NRAP: variants seen among roughly 807,000 people sequenced by gnomAD.
NRAP encodes nebulin-related-anchoring protein.
Under a neutral mutation model 225.9 loss-of-function variants are expected in NRAP, and 189 were observed. The ratio of observed to expected loss-of-function variants is 0.84; its 90% CI spans 0.74 to 0.94. NRAP has a LOEUF of 0.94. Among genes scored for constraint, NRAP ranks in the 40% least tolerant of loss-of-function variants. NRAP has a pLI of 0.00. For synonymous variants in NRAP, 769 were observed against 790.7 expected (o/e 0.97, Z 0.46); for missense variants, 2,176 against 2,168.7 (o/e 1.00, Z -0.07).
intron 35 of NRAP, among the ~76,000 whole-genome samples, chr10:113,601,232 G>A (rs898296604): frequency 3.9e-5 from 6 of 152,230 alleles, no homozygotes; most frequent in African/African-American, 1.4e-4. Flanking sequence ...CCATAGCCAC[G>A]AGAACCTCAG....
At position 113,615,762 on chromosome 10, in the gene NRAP, C is replaced by T. The variant is rs777746643; in HGVS notation, c.3028G>A (p.Asp1010Asn). ...NIKHHYTPTADLPEVLLAKLN... is the reference protein window; with the variant it reads ...NIKHHYTPTANLPEVLLAKLN... ...TTGGCCAGCAGGACTTCAGGGAGGT[C>T]AGCAGTCGGTGTGTAATGATGCTTT... The change falls in exon 27 of 42, where the codon GAC becomes AAC. Residue 1010 changes from aspartate (D) to asparagine (N), a missense_variant. Physicochemically the swap from Asp to Asn is conservative, Grantham distance 23. Transcript: ENST00000359988. 1 of 1,612,370 alleles carries T rather than the reference C, an allele frequency of 6.2e-7. No individual in the cohort carries two copies. Among genetic ancestry groups the T allele is most frequent in the South Asian group, 1.1e-5 (1 of 91,042 alleles).
In NRAP at chr10:113,589,102, A is replaced by AAGTT. The variant is rs565124763; in HGVS notation, c.5089-27_5089-24dup. ...CCGCTGCTGAAATCAAACATACCCC[A>AAGTT]AGTTAAAATGAAGCTCCCCCACCCC... On this transcript the variant is annotated intron_variant, in intron 41 of 41. Coordinates refer to ENST00000359988, the MANE Select transcript of NRAP (RefSeq NM_198060.4). The AAGTT allele has an allele frequency of 3.8e-5, 61 of 1,601,378 alleles. No individual in the cohort carries two copies. In the East Asian group the frequency reaches 1.1e-3, roughly 29 times the overall value.
Position 113,645,820 on chromosome 10 carries a change from C to T in NRAP, c.1110+5G>A, listed in dbSNP as rs753148762. 76 of 1,438,290 alleles carry T rather than the reference C, an allele frequency of 5.3e-5. No homozygotes were observed. Among genetic ancestry groups the T allele is most frequent in the African/African-American group, 6.9e-5 (5 of 72,280 alleles). The allele number at this position is 1,438,290 out of a possible 1,614,324, so 89.1% of individuals were successfully genotyped here. A position where few individuals can be genotyped will look rare whatever the true frequency, so the allele number is the denominator to read the frequency against. ...TCATGGGTGTGACTCTTCCCCCATACGCACCTCACTCACGAGTTTGTTTAC... is the reference window on the plus strand; with the variant it reads ...TCATGGGTGTGACTCTTCCCCCATATGCACCTCACTCACGAGTTTGTTTAC... On this transcript the variant is annotated splice_donor_5th_base_variant and intron_variant, in intron 11 of 41. Transcript: ENST00000359988.
chr10:113,615,861 A>C (rs776304601), intron 26 of NRAP, 45 bp from the exon 27 acceptor site: 5 of 1,071,770 alleles, frequency 4.7e-6, no homozygotes, highest in Non-Finnish European at 7.2e-6. Context: ...ACCCCATTCC[A>C]TGCAGCCATC....
chr10:113,636,843 C>T (rs1848896895), intron 14 of NRAP, among the ~76,000 whole-genome samples: 1 of 151,996 alleles, frequency 6.6e-6, no homozygotes, highest in Non-Finnish European at 1.5e-5. Context: ...CTTGTCTCTA[C>T]TAAAAATACA....
At chr10:113,646,896 C>CA in intron 10 of NRAP, 27 bp downstream of exon 10, 2 of 1,475,928 alleles carry the variant, frequency 1.4e-6, no homozygotes, top group Non-Finnish European at 1.9e-6. Context: ...GCCTCTGGCT[C>CA]TGTGGTCACA....
Position 113,663,397 on chromosome 10 carries a change from G to T in NRAP, c.122C>A (p.Ser41Tyr). 1 of 1,613,428 alleles carries T rather than the reference G, an allele frequency of 6.2e-7. No homozygotes were observed. Among genetic ancestry groups the T allele is most frequent in the Non-Finnish European group, 8.5e-7 (1 of 1,179,354 alleles). Residue 41 changes from serine (S) to tyrosine (Y), a missense_variant, in exon 2 of 42, where the codon TCT becomes TAT. Physicochemically the swap from Ser to Tyr is moderately radical, Grantham distance 144 (BLOSUM62 -2). Coordinates refer to ENST00000359988, the MANE Select transcript of NRAP (RefSeq NM_198060.4). ...CTGGTGACTCACAAAGTTATTAACAGACAGCATCATCTTGCAAACTTCACA... is the reference window on the plus strand; with the variant it reads ...CTGGTGACTCACAAAGTTATTAACATACAGCATCATCTTGCAAACTTCACA... ...FHCEVCKMML[S>Y]VNNFVSHQKK...
At position 113,614,905 on chromosome 10, in the gene NRAP, G is replaced by GC; in HGVS notation, c.3119dup (p.Tyr1041LeufsTer2). On this transcript the variant is annotated frameshift_variant, in exon 28 of 42. Transcript: ENST00000359988. LOFTEE classifies it high-confidence loss of function. Reference sequence around the variant, plus strand: ...GAAGGGCATCCAACCTCAGTTTATAGCCACCATCTCGAAGTTTGCTCCAGG... The same window carrying GC: ...GAAGGGCATCCAACCTCAGTTTATAGCCCACCATCTCGAAGTTTGCTCCAGG... The GC allele has an allele frequency of 6.2e-7, 1 of 1,613,226 alleles. No homozygotes were observed. Among genetic ancestry groups the GC allele is most frequent in the African/African-American group, 1.3e-5 (1 of 75,024 alleles).
At position 113,605,772 on chromosome 10, in the gene NRAP, A is replaced by G. The variant is rs762544690; in HGVS notation, c.3905T>C (p.Ile1302Thr). ...TATCATTCAACTCACATCACTGGCT[A>G]TATCTCCAGAGGCCCGGGCAGCCTG... ...PFQAARASGD[I>T]ASDFLYRHDF... The change falls in exon 34 of 42, where the codon ATA becomes ACA. Residue 1302 changes from isoleucine to threonine, a missense_variant. Around this residue, in one of 3 missense-constraint regions of NRAP, gnomAD observed 1,708 missense variants for 1,695.5 expected, o/e 1.01. Transcript: ENST00000359988. 15 of 1,608,794 alleles carry G rather than the reference A, an allele frequency of 9.3e-6. No individual in the cohort carries two copies. Among genetic ancestry groups the G allele is most frequent in the African/African-American group, 2.7e-5 (2 of 74,852 alleles).
chr10:113,648,129 A>G (rs111540883), intron 9 of NRAP, among the ~76,000 whole-genome samples: 4 of 151,808 alleles, frequency 2.6e-5, no homozygotes, highest in African/African-American at 7.3e-5. Context: ...TCACGACTCC[A>G]TCTCTCTGTG....
At chr10:113,636,280 C>A (rs1848864076) in intron 14 of NRAP, among the ~76,000 whole-genome samples, 1 of 152,184 alleles carries the variant, frequency 6.6e-6, no homozygotes, top group Non-Finnish European at 1.5e-5. Flanking sequence ...GCTGGCTCTG[C>A]CCTCCCCAAG....
chr10:113,624,975 G>C, intron 21 of NRAP, 45 bp from the exon 22 acceptor site: 1 of 1,146,692 alleles, frequency 8.7e-7, no homozygotes, highest in Non-Finnish European at 1.3e-6. Flanking sequence ...GCAAGGGCGA[G>C]GTGGGCAGGG....
intron 25 of NRAP, 121 bp downstream of exon 25, chr10:113,620,483 A>T (rs1385238805): frequency 1.4e-6 from 1 of 708,542 alleles, no homozygotes; most frequent in East Asian, 2.6e-5. Context: ...CTGGGTTTTG[A>T]GGCCTTTCAT....
chr10:113,604,055 T>C (rs1846772253), intron 35 of NRAP, among the ~76,000 whole-genome samples: 1 of 152,198 alleles, frequency 6.6e-6, no homozygotes, highest in Admixed American at 6.5e-5. Flanking sequence ...TTTTTGACTC[T>C]TTTGTTAACT....
intron 19 of NRAP, 39 bp downstream of exon 19, chr10:113,629,549 A>G: frequency 7.2e-7 from 1 of 1,395,824 alleles, no homozygotes; most frequent in Non-Finnish European, 1.0e-6. Context: ...GTCCAACTGC[A>G]AGAGATGCAT....
In NRAP at chr10:113,621,876, T is replaced by C. The variant is rs1248887521; in HGVS notation, c.2762A>G (p.Gln921Arg). ...VEWAKKAYGL[Q>R]SDNQYRADVK... ...CACTCACACAGAGCTTACATCACTC[T>C]GTAAGCCATAAGCCTTCTTGGCCCA... Residue 921 changes from glutamine to arginine, a missense_variant, in exon 24 of 42, where the codon CAG (glutamine) becomes CGG (arginine). Physicochemically the swap from Gln to Arg is conservative, Grantham distance 43 (BLOSUM62 1). This residue lies in a region of NRAP where 1,708 missense variants were observed against 1,695.5 expected (regional missense o/e 1.01). Transcript: ENST00000359988. 6.2e-7 allele frequency: 1 copy of C among 1,609,684 alleles called. No individual in the cohort carries two copies.
chr10:113,647,082 G>C, intron 9 of NRAP, 55 bp from the exon 10 acceptor site: 1 of 1,143,254 alleles, frequency 8.7e-7, no homozygotes, highest in Non-Finnish European at 1.3e-6. Flanking sequence ...CAGATGGGTG[G>C]GGTTCAGCAA....
intron 21 of NRAP, 108 bp from the exon 22 acceptor site, chr10:113,625,038 A>G (rs1250347545): frequency 4.4e-6 from 3 of 689,596 alleles, no homozygotes; most frequent in Non-Finnish European, 5.2e-6. Context: ...ACTTGCACAG[A>G]AAGTCCATTA....
At position 113,610,565 on chromosome 10, in the gene NRAP, T is replaced by G; in HGVS notation, c.3499-2A>C. On this transcript the variant is annotated splice_acceptor_variant, in intron 30 of 41. Transcript: ENST00000359988. LOFTEE classifies it high-confidence loss of function. ...GTTCAGGTCTGACCGGTACAAATTC[T>G]AGAAGAAATAATAAATACAAAGAAT... The G allele has an allele frequency of 6.4e-7, 1 of 1,550,580 alleles. No homozygotes were observed. Among genetic ancestry groups the G allele is most frequent in the East Asian group, 2.2e-5 (1 of 44,454 alleles).
Sources: gnomAD v4.1 joint callset for allele counts (sites outside exome capture counted in the v4.1 genomes callset) on GRCh38, gnomAD v4.1.1 for gene constraint, gnomAD v4.1.1 regional missense constraint, MANE v1.5 for transcripts, NCBI Gene and HGNC (gene_info 2026-07-23, HGNC 2026-07-21) for gene names.